PRKCQ: variants seen among roughly 807,000 people sequenced by gnomAD.
PRKCQ encodes protein kinase C theta type.
A neutral mutation model predicts 91.2 loss-of-function variants in PRKCQ; 41 were observed. The ratio of observed to expected loss-of-function variants is 0.45; its 90% CI spans 0.35 to 0.58. PRKCQ has a LOEUF of 0.58. Among genes scored for constraint, PRKCQ ranks in the 20% least tolerant of loss-of-function variants. The pLI, the probability that PRKCQ is intolerant of heterozygous loss-of-function variation, is 0.00. For synonymous variants in PRKCQ, 307 were observed against 316.9 expected (o/e 0.97, Z 0.33); for missense variants, 673 against 896.5 (o/e 0.75, Z 3.18).
intron 15 of PRKCQ, among the ~76,000 whole-genome samples, chr10:6,449,342 GATGAAATGA>G (rs1362754304): frequency 1.3e-5 from 2 of 152,074 alleles, no homozygotes; most frequent in Non-Finnish European, 2.9e-5. Flanking sequence ...AGTGATGGAA[GATGAAATGA>G]ATGAAATGAA....
intron 1 of PRKCQ, among the ~76,000 whole-genome samples, chr10:6,540,441 T>C (rs938194240): frequency 6.6e-6 from 1 of 152,190 alleles, no homozygotes; most frequent in Admixed American, 6.5e-5. Context: ...TCTATGCCTA[T>C]AAATTTGACT....
At chr10:6,434,218 T>A (rs1480763268) in intron 16 of PRKCQ, among the ~76,000 whole-genome samples, 1 of 151,964 alleles carries the variant, frequency 6.6e-6, no homozygotes, top group African/African-American at 2.4e-5. Flanking sequence ...GTTGTTCTAA[T>A]GAGATGCTTC....
intron 8 of PRKCQ, among the ~76,000 whole-genome samples, chr10:6,490,274 G>A (rs1837211748): frequency 6.6e-6 from 1 of 151,990 alleles, no homozygotes; most frequent in Non-Finnish European, 1.5e-5. Context: ...AACAGGATTG[G>A]GATGAAGAAG....
the PRKCQ span, among the ~76,000 whole-genome samples, chr10:6,404,575 CTTTCTTTCTTTCTT>C: frequency 1.2e-5 from 1 of 84,970 alleles, no homozygotes; most frequent in Non-Finnish European, 2.8e-5. Flanking sequence ...CCTTCTTTCT[CTTTCTTTCTTTCTT>C]TTTTTCTCTC....
chr10:6,505,443 T>C (rs958455925), intron 4 of PRKCQ, among the ~76,000 whole-genome samples: 3 of 151,798 alleles, frequency 2.0e-5, no homozygotes, highest in East Asian at 3.9e-4. Flanking sequence ...CTTCCTTCCT[T>C]CTTTCTTTCT....
In PRKCQ at chr10:6,493,325, T is replaced by C. The variant is rs566348096; in HGVS notation, c.661-1513A>G. On this transcript the variant is annotated intron_variant, in intron 7 of 17. Coordinates refer to ENST00000263125, the MANE Select transcript of PRKCQ (RefSeq NM_006257.5). ...TTCAAATGTCGATTTTTTGTTGAAA[T>C]GATATTTGAACAGATTGGATTAAAT... 1.1e-4 allele frequency among the ~76,000 whole-genome samples: 16 copies of C among 152,312 alleles called. 1 individual carries two copies. In the South Asian group the frequency reaches 3.3e-3, roughly 32 times the overall value.
At chr10:6,404,351 C>G in the PRKCQ span, among the ~76,000 whole-genome samples, 9 of 150,778 alleles carry the variant, frequency 6.0e-5, no homozygotes, top group Non-Finnish European at 1.0e-4. Flanking sequence ...TCTTCCATGC[C>G]AGACTCTGAC....
chr10:6,558,061 C>A (rs548132646), intron 1 of PRKCQ, among the ~76,000 whole-genome samples: 2 of 152,292 alleles, frequency 1.3e-5, no homozygotes, highest in African/African-American at 4.8e-5. Flanking sequence ...GCCTTTTCCA[C>A]CCCTACACGG....
chr10:6,527,055 C>T (rs950893615), intron 1 of PRKCQ, among the ~76,000 whole-genome samples: 2 of 152,144 alleles, frequency 1.3e-5, no homozygotes, highest in Non-Finnish European at 2.9e-5. Context: ...GGCCCCAACC[C>T]ATGGTAGGAG....
the PRKCQ span, among the ~76,000 whole-genome samples, chr10:6,416,240 T>TTG: frequency 0.016 from 2,447 of 151,712 alleles, 49 homozygotes; most frequent in Middle Eastern, 0.051. Context: ...ATAGTTTTTT[T>TTG]GGGGGTGCAG....
At chr10:6,568,431 C>G (rs1026488834) in intron 1 of PRKCQ, among the ~76,000 whole-genome samples, 1 of 150,674 alleles carries the variant, frequency 6.6e-6, no homozygotes, top group African/African-American at 2.4e-5. Context: ...TTGCCTCATT[C>G]TTTTGCTTAT....
At chr10:6,437,560 T>C (rs1446557534) in intron 16 of PRKCQ, among the ~76,000 whole-genome samples, 1 of 152,254 alleles carries the variant, frequency 6.6e-6, no homozygotes, top group Non-Finnish European at 1.5e-5. Context: ...CTACATTTAT[T>C]GCTACAAATG....
rs1052609189 is a variant in PRKCQ at position 6,497,845 on chromosome 10, G to A, written c.542+551C>T. ...TTTCTGCAGTAGCCTAAAGGGAAGA[G>A]TATCCCTTAATAGGCTAGGATGCTG... On this transcript the variant is annotated intron_variant, in intron 5 of 17. Transcript: ENST00000263125. The surrounding 1 kb of genome is among the most constrained non-coding windows in gnomAD (Gnocchi z 4.5). Among the ~76,000 whole-genome samples, 3 of 152,232 alleles carry A rather than the reference G, an allele frequency of 2.0e-5. No individual in the cohort carries two copies. The highest frequency in any genetic ancestry group is 7.2e-5 in the African/African-American group (3 of 41,468).
intron 8 of PRKCQ, chr10:6,489,393 T>C (rs1273260984): frequency 3.8e-6 from 2 of 528,670 alleles, no homozygotes; most frequent in African/African-American, 3.9e-5. Context: ...TCTTTGTTAC[T>C]AACCTATCAG....
chr10:6,411,964 A>G, the PRKCQ span, among the ~76,000 whole-genome samples: 1 of 152,226 alleles, frequency 6.6e-6, no homozygotes, highest in Non-Finnish European at 1.5e-5. Flanking sequence ...TTTTTGATAA[A>G]CACAAAAATG....
At chr10:6,396,332 A>G in the PRKCQ span, among the ~76,000 whole-genome samples, 1 of 152,182 alleles carries the variant, frequency 6.6e-6, no homozygotes, top group African/African-American at 2.4e-5. Context: ...ATACAATTCA[A>G]TGCTTTTCAT....
In PRKCQ at chr10:6,525,148, CT is replaced by C. The variant is rs55673084; in HGVS notation, c.-9-10005del. On this transcript the variant is annotated intron_variant, in intron 1 of 17. Transcript: ENST00000263125. The stretch of plus-strand genomic sequence containing the variant: ...AATGACTATGGATTTATTTTAAGTT[CT>C]TTTTTTTTTTTTTTGAGGGTAAGAG... Among the ~76,000 whole-genome samples, 1,210 of 133,900 alleles carry C rather than the reference CT, an allele frequency of 9.0e-3. 11 individuals are homozygous for C. The highest frequency in any genetic ancestry group is 0.021 in the African/African-American group (752 of 36,670). The allele number at this position is 133,900 out of a possible 152,430, so 87.8% of individuals were successfully genotyped here.
chr10:6,546,567 T>C (rs1452624858), intron 1 of PRKCQ, among the ~76,000 whole-genome samples: 3 of 152,224 alleles, frequency 2.0e-5, no homozygotes, highest in Non-Finnish European at 1.5e-5. Context: ...CTTGTGATTT[T>C]TGTACATTGA....
intron 16 of PRKCQ, among the ~76,000 whole-genome samples, chr10:6,432,885 C>A (rs58855989): frequency 0.019 from 2,968 of 152,254 alleles, 114 homozygotes; most frequent in African/African-American, 0.069. Context: ...GAGATACCCT[C>A]CCCTAGTCGA....
Sources: gnomAD v4.1 joint callset for allele counts (sites outside exome capture counted in the v4.1 genomes callset) on GRCh38, gnomAD v4.1.1 for gene constraint, Gnocchi (gnomAD v3.1) non-coding constraint, MANE v1.5 for transcripts, NCBI Gene and HGNC (gene_info 2026-07-23, HGNC 2026-07-21) for gene names.